CACNB4: variants seen among roughly 807,000 people sequenced by gnomAD.
The protein encoded by CACNB4 is calcium voltage-gated channel auxiliary subunit beta 4.
A neutral mutation model predicts 71.2 loss-of-function variants in CACNB4; 32 were observed. The ratio of observed to expected loss-of-function variants is 0.45; its 90% CI spans 0.34 to 0.60. The LOEUF (loss-of-function observed/expected upper bound fraction) is 0.60. Ranked by LOEUF, CACNB4 falls within the 20% of genes least tolerant of loss-of-function variation. The pLI is 0.01. For synonymous variants in CACNB4, 231 were observed against 236.9 expected, an observed-to-expected ratio of 0.97 and a Z score of 0.23; for missense variants, 464 against 647.9, an observed-to-expected ratio of 0.72 and a Z score of 3.08.
In CACNB4 at chr2:151,836,848, A is replaced by C. The variant is rs1435384886; in HGVS notation, c.*2271T>G. ...AAAATGTAAGTATCTTAAAGTAGTT[A>C]AATGACCAAACTGCTAATGCTACTA... On this transcript the variant is annotated 3_prime_UTR_variant, in exon 14 of 14. Coordinates refer to ENST00000539935, the MANE Select transcript of CACNB4 (RefSeq NM_000726.5). 6.6e-6 allele frequency: 1 copy of C among 152,024 alleles called. No homozygotes were observed. Among genetic ancestry groups the C allele is most frequent in the Non-Finnish European group, 1.5e-5 (1 of 67,856 alleles). 9.4% of individuals were successfully genotyped at this position (152,024 alleles called of 1,614,324 possible).
intron 2 of CACNB4, among the ~76,000 whole-genome samples, chr2:151,958,701 A>G (rs1431242745): frequency 7.9e-5 from 12 of 152,174 alleles, no homozygotes; most frequent in Non-Finnish European, 1.6e-4. Context: ...TCAGGCTTCC[A>G]TCAGCTCACA....
chr2:151,973,289 A>C (rs753592955), intron 2 of CACNB4: 20 of 186,514 alleles, frequency 1.1e-4, no homozygotes, highest in Non-Finnish European at 2.1e-4. Flanking sequence ...AATGTGTATT[A>C]TATAATGAAT....
rs2099835110 is a variant in CACNB4 at position 151,837,351 on chromosome 2, G to A, written c.*1768C>T. The A allele has an allele frequency of 6.6e-6, 1 of 152,040 alleles. No individual in the cohort carries two copies. Among genetic ancestry groups the A allele is most frequent in the African/African-American group, 2.4e-5 (1 of 41,438 alleles). The allele number at this position is 152,040 out of a possible 1,614,324, so 9.4% of individuals were successfully genotyped here. ...ACACTGAACATAAATGCAGGGGGAT[G>A]TGGTGAGGTTGTAATGGGGTTCAAG... On this transcript the variant is annotated 3_prime_UTR_variant, in exon 14 of 14. Coordinates refer to ENST00000539935, the MANE Select transcript of CACNB4 (RefSeq NM_000726.5).
intron 2 of CACNB4, among the ~76,000 whole-genome samples, chr2:152,033,787 A>T (rs1459305117): frequency 6.6e-6 from 1 of 152,178 alleles, no homozygotes; most frequent in Non-Finnish European, 1.5e-5. Flanking sequence ...AAATAAAGAG[A>T]AAAATGAAAA....
chr2:151,964,899 T>C (rs79356345), intron 2 of CACNB4, among the ~76,000 whole-genome samples: 124 of 152,130 alleles, frequency 8.2e-4, no homozygotes, highest in Non-Finnish European at 1.5e-3. Context: ...TGCAATATCC[T>C]AGCACTTCAC....
At chr2:151,988,628 G>C (rs554455020) in intron 2 of CACNB4, among the ~76,000 whole-genome samples, 14 of 152,322 alleles carry the variant, frequency 9.2e-5, no homozygotes, top group Admixed American at 3.3e-4. Context: ...AGGTAGTAGA[G>C]TCGGGGTCTG....
At chr2:151,953,642 T>C (rs2099867483) in intron 2 of CACNB4, among the ~76,000 whole-genome samples, 1 of 152,146 alleles carries the variant, frequency 6.6e-6, no homozygotes, top group Non-Finnish European at 1.5e-5. Context: ...CCAGTTCTTT[T>C]TACAAACACA....
rs113135371 is a variant in CACNB4 at position 151,860,535 on chromosome 2, C to T, written c.868+176G>A. 3.9e-5 allele frequency: 24 copies of T among 616,850 alleles called. 1 individual carries two copies. The highest frequency in any genetic ancestry group is 3.0e-4 in the African/African-American group (16 of 53,600). The allele number at this position is 616,850 out of a possible 1,614,324, so 38.2% of individuals were successfully genotyped here. ...TTGACTAAAGCTGAGAGACAGCAAG[C>T]TCTCGCTACTGCAAGACTCTGCTGC... On this transcript the variant is annotated intron_variant, in intron 10 of 13. Transcript: ENST00000539935.
chr2:151,896,625 G>A (rs1288050466), intron 2 of CACNB4, among the ~76,000 whole-genome samples: 1 of 152,146 alleles, frequency 6.6e-6, no homozygotes, highest in African/African-American at 2.4e-5. Context: ...TCTTTCCTGG[G>A]GTAGTGCCCT....
chr2:151,980,752 A>G (rs6732157), intron 2 of CACNB4, among the ~76,000 whole-genome samples: 147,389 of 152,358 alleles, frequency 0.97, 71,315 homozygotes, highest in East Asian at 1. Context: ...TTACCAAACT[A>G]TCTTCATGTC....
intron 3 of CACNB4, among the ~76,000 whole-genome samples, chr2:151,882,637 C>T (rs902099697): frequency 1.1e-4 from 16 of 152,188 alleles, no homozygotes; most frequent in African/African-American, 4.8e-5. Flanking sequence ...CCTAGTGACT[C>T]TTCTGGTTCT....
intron 2 of CACNB4, among the ~76,000 whole-genome samples, chr2:151,952,101 T>A (rs898022985): frequency 6.6e-6 from 1 of 152,130 alleles, no homozygotes; most frequent in Non-Finnish European, 1.5e-5. Context: ...ATACACCATC[T>A]AGGGTATTCA....
intron 2 of CACNB4, among the ~76,000 whole-genome samples, chr2:152,028,846 T>G (rs114685342): frequency 0.013 from 1,963 of 152,336 alleles, 13 homozygotes; most frequent in Non-Finnish European, 0.023. Context: ...CTCCAGCTAT[T>G]TTTGTTGTGT....
chr2:152,067,514 T>C (rs1686413984), intron 2 of CACNB4, among the ~76,000 whole-genome samples: 1 of 152,164 alleles, frequency 6.6e-6, no homozygotes, highest in African/African-American at 2.4e-5. Context: ...CCCAGCCTGA[T>C]AATGTATTCT....
intron 2 of CACNB4, among the ~76,000 whole-genome samples, chr2:151,932,469 T>C (rs2099861860): frequency 6.6e-6 from 1 of 152,074 alleles, no homozygotes; most frequent in African/African-American, 2.4e-5. Context: ...ACATATCTGA[T>C]ATGAGTTGAA....
chr2:152,043,663 C>T (rs1002451403), intron 2 of CACNB4, among the ~76,000 whole-genome samples: 4 of 151,692 alleles, frequency 2.6e-5, no homozygotes, highest in Non-Finnish European at 4.4e-5. Flanking sequence ...GGACTATGTG[C>T]GTGTATACAC....
At chr2:151,916,375 A>C (rs2099857538) in intron 2 of CACNB4, among the ~76,000 whole-genome samples, 2 of 152,210 alleles carry the variant, frequency 1.3e-5, no homozygotes, top group Non-Finnish European at 2.9e-5. Context: ...AGATATCAAA[A>C]AAGATATAAA....
chr2:152,051,225 T>C (rs1357198484), intron 2 of CACNB4, among the ~76,000 whole-genome samples: 11 of 152,216 alleles, frequency 7.2e-5, no homozygotes, highest in Non-Finnish European at 1.6e-4. Context: ...GCGGCCCAGC[T>C]TTCCCTTTGG....
At chr2:151,881,813 G>A (rs114356829) in intron 3 of CACNB4, among the ~76,000 whole-genome samples, 1,610 of 151,524 alleles carry the variant, frequency 0.011, 24 homozygotes, top group African/African-American at 0.037. Context: ...CACCAACAGA[G>A]TACAGACATC....
Sources: allele counts gnomAD v4.1 joint callset (sites outside exome capture counted in the v4.1 genomes callset), GRCh38; gene constraint gnomAD v4.1.1; transcripts MANE v1.5; gene names NCBI Gene and HGNC (gene_info 2026-07-23, HGNC 2026-07-21).